FAM174C: variants seen among roughly 807,000 people sequenced by gnomAD.
FAM174C encodes family with sequence similarity 174 member C, also known as protein FAM174C.
Under a neutral mutation model 12.3 loss-of-function variants are expected in FAM174C, and 19 were observed. That is an observed-to-expected ratio of 1.55 (90% confidence interval 1.08 to 2.27). The LOEUF (loss-of-function observed/expected upper bound fraction) is 2.27. FAM174C is among the 30% of genes most tolerant of loss of function. The pLI is 0.00. For synonymous variants in FAM174C, 147 were observed against 103.5 expected (o/e 1.42, Z -2.55); for missense variants, 239 against 190.2 (o/e 1.26, Z -1.51).
Position 1,275,593 on chromosome 19 carries a change from TGGCGCTGCTGCTGGC to T in FAM174C, c.53_67del (p.Leu18_Leu22del), listed in dbSNP as rs946217580. 4 of 1,244,086 alleles carry T rather than the reference TGGCGCTGCTGCTGGC, an allele frequency of 3.2e-6. No homozygotes were observed. Among genetic ancestry groups the T allele is most frequent in the African/African-American group, 3.2e-5 (2 of 63,426 alleles). 77.1% of individuals were successfully genotyped at this position (1,244,086 alleles called of 1,614,324 possible). On this transcript the variant is annotated inframe_deletion, in exon 1 of 3. Transcript: ENST00000409293. Reference sequence around the variant, plus strand: ...CAGCCGCCGCTGCTGCTGCTCCTGCTGGCGCTGCTGCTGGCGGCGCTGCCGTGCGGTGCCGAAGAG... The same window carrying T: ...CAGCCGCCGCTGCTGCTGCTCCTGCTGGCGCTGCCGTGCGGTGCCGAAGAG...
At chr19:1,278,203 G>A (rs4995471) in intron 2 of FAM174C, among the ~76,000 whole-genome samples, 750 of 12,630 alleles carry the variant, frequency 0.059, 3 homozygotes, top group South Asian at 0.1. Context: ...CTGAGCGGGC[G>A]GGGTCAGGGA....
chr19:1,275,846 G>T lies in FAM174C; in HGVS notation c.281+16G>T, dbSNP rs1261320484. On this transcript the variant is annotated intron_variant, in intron 1 of 2. Transcript: ENST00000409293. ...GGGCGTTTAGGTGCGTCAGGCGCAC[G>T]TGGGCGCCGTCTCTCAGCCTTGGCC... 6.5e-7 allele frequency: 1 copy of T among 1,533,780 alleles called. No homozygotes were observed. The highest frequency in any genetic ancestry group is 1.2e-5 in the South Asian group (1 of 83,996).
chr19:1,276,159 G>A, intron 1 of FAM174C: 1 of 349,454 alleles, frequency 2.9e-6, no homozygotes, highest in Non-Finnish European at 5.3e-6. Context: ...GGCGGGGCGA[G>A]GGGGCCTCCT....
At position 1,275,783 on chromosome 19, in the gene FAM174C, G is replaced by T; in HGVS notation, c.234G>T (p.Leu78=). The T allele has an allele frequency of 1.3e-6, 2 of 1,539,530 alleles. No individual in the cohort carries two copies. The highest frequency in any genetic ancestry group is 1.7e-6 in the Non-Finnish European group (2 of 1,146,362). ...TGACGCGCTCCTTCTACGTGATCCT[G>T]GGCTTCTGCGGCCTGACCGCGCTCT... ...SALTRSFYVI[L]GFCGLTALYF... Residue 78 remains leucine, a synonymous_variant, in exon 1 of 3, where the codon CTG becomes CTT. Coordinates refer to ENST00000409293, the MANE Select transcript of FAM174C (RefSeq NM_017914.4).
chr19:1,276,067 G>C (rs2081413060), intron 1 of FAM174C: 1 of 524,266 alleles, frequency 1.9e-6, no homozygotes, highest in Admixed American at 3.9e-5. Flanking sequence ...CCAGCGCGCC[G>C]CCTCTTAACT....
At chr19:1,276,002 T>A in intron 1 of FAM174C, 172 bp downstream of exon 1, 5 of 624,292 alleles carry the variant, frequency 8.0e-6, no homozygotes, top group Non-Finnish European at 1.3e-5. Context: ...GTGTGGGCGG[T>A]GCAGGGGCCA....
rs1179256626 is a variant in FAM174C, at chr19:1,277,204, G to A, written c.303G>A (p.Arg101=). The A allele has an allele frequency of 4.5e-6, 7 of 1,544,088 alleles. No homozygotes were observed. The highest frequency in any genetic ancestry group is 5.3e-6 in the Non-Finnish European group (6 of 1,141,536). Residue 101 remains arginine, a synonymous_variant, in exon 2 of 3, where the codon AGG becomes AGA. Transcript: ENST00000409293. ...CCAGGTTGAAGAAGCCTCAGCGGAG[G>A]CGATACGGCCTCCTCGCCAACACTG... ...RAFRLKKPQR[R]RYGLLANTED...
intron 1 of FAM174C, 180 bp downstream of exon 1, chr19:1,276,010 C>CCACGGGA: frequency 3.3e-6 from 2 of 601,526 alleles, no homozygotes. Context: ...GGTGCAGGGG[C>CCACGGGA]CACGGGACTC....
In FAM174C at chr19:1,275,565, C is replaced by T; in HGVS notation, c.16C>T (p.Leu6=). The change falls in exon 1 of 3, where the codon CTG becomes TTG. Residue 6 remains leucine, a synonymous_variant. Transcript: ENST00000409293. ...CCGCCGGGCCATGGGGCCGCGCGTGCTGCAGCCGCCGCTGCTGCTGCTCCT... is the reference window on the plus strand; with the variant it reads ...CCGCCGGGCCATGGGGCCGCGCGTGTTGCAGCCGCCGCTGCTGCTGCTCCT... MGPRV[L]QPPLLLLLLA... is the part of the protein sequence containing the mutation. 4 of 1,220,382 alleles carry T rather than the reference C, an allele frequency of 3.3e-6. No homozygotes were observed. Among genetic ancestry groups the T allele is most frequent in the Non-Finnish European group, 4.1e-6 (4 of 981,732 alleles). The allele number at this position is 1,220,382 out of a possible 1,614,324, so 75.6% of individuals were successfully genotyped here.
rs2081408273 is a variant in FAM174C, at chr19:1,275,612, G to A, written c.63G>A (p.Ala21=). The A allele has an allele frequency of 2.4e-6, 3 of 1,258,798 alleles. No homozygotes were observed. The highest frequency in any genetic ancestry group is 3.1e-5 in the African/African-American group (2 of 64,114). The allele number at this position is 1,258,798 out of a possible 1,614,324, so 78.0% of individuals were successfully genotyped here. Residue 21 remains alanine (A), a synonymous_variant, in exon 1 of 3, where the codon GCG becomes GCA. Coordinates refer to ENST00000409293, the MANE Select transcript of FAM174C (RefSeq NM_017914.4). ...LLLLLALLLA[A]LPCGAEEASP... ...TCCTGCTGGCGCTGCTGCTGGCGGC[G>A]CTGCCGTGCGGTGCCGAAGAGGCCT...
chr19:1,277,954 T>A (rs2081422665), intron 2 of FAM174C: 1 of 148,078 alleles, frequency 6.8e-6, no homozygotes, highest in South Asian at 2.1e-4. Context: ...TTTGTAGTTT[T>A]AGTAGAGACA....
Position 1,279,079 on chromosome 19 carries a change from C to T in FAM174C, c.*302C>T. 6.2e-7 allele frequency: 1 copy of T among 1,612,540 alleles called. No homozygotes were observed. Among genetic ancestry groups the T allele is most frequent in the African/African-American group, 1.3e-5 (1 of 75,062 alleles). On this transcript the variant is annotated 3_prime_UTR_variant, in exon 3 of 3. Transcript: ENST00000409293. The stretch of plus-strand genomic sequence containing the variant: ...GCCACCGCCCAGGACGCTGAGGCTC[C>T]CTTGCCTGACTGTGACTTGTGCCTC...
rs1174971312 is a variant in FAM174C, at chr19:1,277,000, C to A, written c.282-183C>A. 3.2e-5 allele frequency: 30 copies of A among 949,620 alleles called. 1 individual carries two copies. The highest frequency in any genetic ancestry group is 4.4e-5 in the Non-Finnish European group (30 of 682,358). The allele number at this position is 949,620 out of a possible 1,614,324, so 58.8% of individuals were successfully genotyped here. ...AGGGCACATGTCTTCTTACTGTCAT[C>A]GCCATGGGAGTGAATGGTAATCACT... On this transcript the variant is annotated intron_variant, in intron 1 of 2. Transcript: ENST00000409293.
At position 1,279,056 on chromosome 19, in the gene FAM174C, C is replaced by T. The variant is rs2081428248; in HGVS notation, c.*279C>T. On this transcript the variant is annotated 3_prime_UTR_variant, in exon 3 of 3. Transcript: ENST00000409293. ...TGAAGACTGGAGGGACCCCAACAGC[C>T]ACCGCCCAGGACGCTGAGGCTCCCT... 1 of 1,611,998 alleles carries T rather than the reference C, an allele frequency of 6.2e-7. No individual in the cohort carries two copies. The highest frequency in any genetic ancestry group is 8.5e-7 in the Non-Finnish European group (1 of 1,179,982).
In FAM174C at chr19:1,277,240, G is replaced by A. The variant is rs551682863; in HGVS notation, c.339G>A (p.Thr113=). ...TCCTCGCCAACACTGAGGACCCCAC[G>A]GAGATGGCCTCGCTGGACAGCGACG... The part of the protein sequence containing the change: ...YGLLANTEDP[T]EMASLDSDEE... The change falls in exon 2 of 3, where the codon ACG becomes ACA. Residue 113 remains threonine (T), a synonymous_variant. Transcript: ENST00000409293. 4.5e-5 allele frequency: 70 copies of A among 1,549,888 alleles called. No individual in the cohort carries two copies. In the South Asian group the frequency reaches 5.5e-4, roughly 12 times the overall value.
In FAM174C at chr19:1,275,556, C is replaced by G. The variant is rs1205541051; in HGVS notation, c.7C>G (p.Pro3Ala). The change falls in exon 1 of 3, where the codon CCG (proline) becomes GCG (alanine). Residue 3 changes from proline (P) to alanine (A), a missense_variant. By Grantham distance (27) the Pro-to-Ala change is conservative (BLOSUM62 -1). Coordinates refer to ENST00000409293, the MANE Select transcript of FAM174C (RefSeq NM_017914.4). MG[P>A]RVLQPPLLLL... ...CCACCGCTTCCGCCGGGCCATGGGG[C>G]CGCGCGTGCTGCAGCCGCCGCTGCT... 8.2e-7 allele frequency: 1 copy of G among 1,212,926 alleles called. No homozygotes were observed. Among genetic ancestry groups the G allele is most frequent in the Non-Finnish European group, 1.0e-6 (1 of 977,714 alleles). 75.1% of individuals were successfully genotyped at this position (1,212,926 alleles called of 1,614,324 possible). A position where few individuals can be genotyped will look rare whatever the true frequency, so the allele number is the denominator to read the frequency against.
intron 1 of FAM174C, chr19:1,276,538 A>G (rs1436508490): frequency 6.6e-6 from 1 of 152,328 alleles, no homozygotes; most frequent in African/African-American, 2.4e-5. Context: ...CCACCCTGGC[A>G]AAGTCAAGCC....
intron 1 of FAM174C, 82 bp downstream of exon 1, chr19:1,275,912 G>C (rs912503173): frequency 7.8e-7 from 1 of 1,283,572 alleles, no homozygotes; most frequent in South Asian, 1.3e-5. Flanking sequence ...GGGCCGCGGG[G>C]TCCTCCCCTC....
chr19:1,277,551 A>G (rs2081420979), intron 2 of FAM174C, among the ~76,000 whole-genome samples: 1 of 150,914 alleles, frequency 6.6e-6, no homozygotes, highest in African/African-American at 2.4e-5. Flanking sequence ...ACTCACTGCA[A>G]CCTCCGCCTC....
Sources: gnomAD v4.1 joint callset for allele counts (sites outside exome capture counted in the v4.1 genomes callset) on GRCh38, gnomAD v4.1.1 for gene constraint, MANE v1.5 for transcripts, NCBI Gene and HGNC (gene_info 2026-07-23, HGNC 2026-07-21) for gene names.